Variants in MED30 observed in about 807,000 individuals in gnomAD.
MED30 encodes the protein mediator complex subunit 30.
MED30 carries 8 observed loss-of-function variants against 21.7 expected under a neutral mutation model. The observed-to-expected ratio is 0.37, with a 90% CI of 0.22 to 0.67. The LOEUF (loss-of-function observed/expected upper bound fraction) is 0.67, where lower values mean the gene tolerates loss of function less well. Among genes scored for constraint, MED30 ranks in the 30% least tolerant of loss-of-function variants. The pLI, the probability that MED30 is intolerant of heterozygous loss-of-function variation, is 0.58. For missense variants in MED30, 203 were observed against 228.2 expected (o/e 0.89, Z 0.71); for synonymous variants, 79 against 86.7 (o/e 0.91, Z 0.49).
At chr8:117,522,817 C>T (rs754948142) in intron 1 of MED30, among the ~76,000 whole-genome samples, 12 of 151,852 alleles carry the variant, frequency 7.9e-5, no homozygotes, top group East Asian at 1.9e-4. Context: ...GAATAAAGTA[C>T]GGATTAAATA....
chr8:117,523,143 A>G lies in MED30; in HGVS notation c.177+2090A>G, dbSNP rs989235780. On this transcript the variant is annotated intron_variant, in intron 1 of 3. Transcript: ENST00000297347. ...CTACGCAGAACTAAACTTTTTCAAA[A>G]AAAGTATTTTATCAATAACTAGATT... 5 of 609,148 alleles carry G rather than the reference A, an allele frequency of 8.2e-6. No individual in the cohort carries two copies. In the African/African-American group the frequency reaches 9.3e-5, roughly 11 times the overall value. The allele number at this position is 609,148 out of a possible 1,614,324, so 37.7% of individuals were successfully genotyped here.
At chr8:117,536,523 A>G (rs1170550134) in intron 3 of MED30, among the ~76,000 whole-genome samples, 1 of 152,170 alleles carries the variant, frequency 6.6e-6, no homozygotes, top group Non-Finnish European at 1.5e-5. Flanking sequence ...GAAATTGTGC[A>G]GAAGAACATA....
At chr8:117,534,236 CT>C (rs1818833634) in intron 3 of MED30, among the ~76,000 whole-genome samples, 1 of 152,028 alleles carries the variant, frequency 6.6e-6, no homozygotes. Flanking sequence ...ACCACTCCCT[CT>C]TTACTTTTCA....
At chr8:117,531,431 C>T (rs145519994) in intron 3 of MED30, among the ~76,000 whole-genome samples, 1,941 of 152,058 alleles carry the variant, frequency 0.013, 15 homozygotes, top group Non-Finnish European at 0.019. Flanking sequence ...CAGCATCACT[C>T]TTTCACTGAC....
intron 2 of MED30, among the ~76,000 whole-genome samples, chr8:117,529,285 TTTAG>T (rs1290042437): frequency 1.3e-5 from 2 of 151,916 alleles, no homozygotes; most frequent in South Asian, 2.1e-4. Flanking sequence ...GTCATACCTA[TTTAG>T]TTAATTAGGC....
At position 117,539,890 on chromosome 8, in the gene MED30, A is replaced by G; in HGVS notation, c.449A>G (p.Lys150Arg). ...ATTCTTTTGTTTCTACAGAAACTCA[A>G]ACAGAAGAATCAACAGCTGAAACAA... ...REIAEVNKKLKQKNQQLKQIM... is the reference protein window; with the variant it reads ...REIAEVNKKLRQKNQQLKQIM... The change falls in exon 4 of 4, where the codon AAA (lysine) becomes AGA (arginine). Residue 150 changes from lysine to arginine, a missense_variant. By Grantham distance (26) the Lys-to-Arg change is conservative. Transcript: ENST00000297347. 2 of 1,598,186 alleles carry G rather than the reference A, an allele frequency of 1.3e-6. No homozygotes were observed. Among genetic ancestry groups the G allele is most frequent in the Non-Finnish European group, 8.6e-7 (1 of 1,169,412 alleles).
At chr8:117,529,004 TCTTGTAGA>T (rs1184788709) in intron 2 of MED30, 195 bp downstream of exon 2, 1 of 358,336 alleles carries the variant, frequency 2.8e-6, no homozygotes, top group Non-Finnish European at 4.9e-6. Flanking sequence ...ATTAACAATT[TCTTGTAGA>T]CTTTGACAGG....
chr8:117,521,092 G>A (rs991813275), intron 1 of MED30, 39 bp downstream of exon 1: 3 of 1,532,522 alleles, frequency 2.0e-6, no homozygotes, highest in African/African-American at 2.8e-5. Flanking sequence ...GGATGCAGCT[G>A]GGAGGGAAAG....
intron 1 of MED30, chr8:117,523,810 C>G (rs941379818): frequency 4.6e-5 from 29 of 625,922 alleles, no homozygotes; most frequent in Middle Eastern, 4.7e-4. Flanking sequence ...AATTCGAGAC[C>G]AGCCTAGCCA....
chr8:117,536,017 G>A (rs1321419470), intron 3 of MED30, among the ~76,000 whole-genome samples: 2 of 152,030 alleles, frequency 1.3e-5, no homozygotes, highest in East Asian at 3.9e-4. Context: ...TGTAGGTTTT[G>A]GGAGAAGCTT....
Position 117,528,792 on chromosome 8 carries a change from G to T in MED30, c.319G>T (p.Asp107Tyr), listed in dbSNP as rs34260483. The T allele has an allele frequency of 6.6e-4, 1,052 of 1,602,910 alleles. 7 individuals carry two copies. The African/African-American group carries it at 0.013, about 20-fold the overall frequency. Reference sequence around the variant, plus strand: ...ATGCAATGAAAACTGTGGTGGGATGGATCCCATTCCAGTCGAGGTAATTTT... The same window carrying T: ...ATGCAATGAAAACTGTGGTGGGATGTATCCCATTCCAGTCGAGGTAATTTT... Reference protein sequence around the residue: ...DKCNENCGGMDPIPVEQLIPY... With the variant: ...DKCNENCGGMYPIPVEQLIPY... The change falls in exon 2 of 4, where the codon GAT becomes TAT. Residue 107 changes from aspartate to tyrosine, a missense_variant. Physicochemically the swap from Asp to Tyr is radical, Grantham distance 160 (BLOSUM62 -3). Coordinates refer to ENST00000297347, the MANE Select transcript of MED30 (RefSeq NM_080651.4).
chr8:117,529,609 TAAG>T (rs978020994), intron 2 of MED30, among the ~76,000 whole-genome samples: 21 of 151,556 alleles, frequency 1.4e-4, no homozygotes, highest in African/African-American at 3.9e-4. Flanking sequence ...AAACAGGAAA[TAAG>T]AAGCTGGAGC....
At chr8:117,539,554 CT>C (rs1818943022) in intron 3 of MED30, among the ~76,000 whole-genome samples, 1 of 151,848 alleles carries the variant, frequency 6.6e-6, no homozygotes, top group African/African-American at 2.4e-5. Flanking sequence ...TTAGGTTATG[CT>C]GCCCCTTAGA....
intron 1 of MED30, among the ~76,000 whole-genome samples, chr8:117,525,993 T>G (rs1818714028): frequency 6.6e-6 from 1 of 152,038 alleles, no homozygotes; most frequent in Non-Finnish European, 1.5e-5. Context: ...ATGTTGACTC[T>G]TACTAACCAA....
At chr8:117,521,718 C>G (rs919478626) in intron 1 of MED30, among the ~76,000 whole-genome samples, 3 of 150,138 alleles carry the variant, frequency 2.0e-5, no homozygotes, top group African/African-American at 7.4e-5. Context: ...TTTTTTTTGT[C>G]TGAGATCCTT....
intron 3 of MED30, among the ~76,000 whole-genome samples, chr8:117,532,763 AAAT>A (rs759352424): frequency 3.3e-5 from 5 of 152,108 alleles, no homozygotes; most frequent in Non-Finnish European, 7.4e-5. Context: ...TATTTCCAAA[AAAT>A]CTGATTGTAA....
intron 1 of MED30, among the ~76,000 whole-genome samples, 180 bp from the exon 2 acceptor site, chr8:117,528,471 T>G (rs566922372): frequency 3.6e-4 from 54 of 151,936 alleles, no homozygotes; most frequent in Non-Finnish European, 6.3e-4. Context: ...GTATGCCAAG[T>G]TGTTAATAAA....
chr8:117,529,415 G>T (rs1818764860), intron 2 of MED30, among the ~76,000 whole-genome samples: 1 of 151,912 alleles, frequency 6.6e-6, no homozygotes, highest in Admixed American at 6.6e-5. Flanking sequence ...AAAAGAAGGG[G>T]TCAGAGATGT....
intron 3 of MED30, among the ~76,000 whole-genome samples, chr8:117,538,210 A>G (rs564856758): frequency 1.7e-4 from 26 of 152,332 alleles, no homozygotes; most frequent in Non-Finnish European, 2.9e-4. Flanking sequence ...AAGGGAGACT[A>G]ACTAAAAATA....
Sources: allele counts gnomAD v4.1 joint callset (sites outside exome capture counted in the v4.1 genomes callset), GRCh38; gene constraint gnomAD v4.1.1; transcripts MANE v1.5; gene names NCBI Gene and HGNC (gene_info 2026-07-23, HGNC 2026-07-21).